Variants in PMFBP1 observed in about 807,000 individuals in gnomAD.
PMFBP1 encodes polyamine modulated factor 1 binding protein 1.
PMFBP1 carries 131 observed loss-of-function variants against 137.8 expected under a neutral mutation model. The ratio of observed to expected loss-of-function variants is 0.95; its 90% CI spans 0.82 to 1.10. PMFBP1 has a LOEUF of 1.10. Among genes scored for constraint, PMFBP1 ranks in the 50% least tolerant of loss-of-function variants. The pLI, the probability that PMFBP1 is intolerant of heterozygous loss-of-function variation, is 0.00. For synonymous variants in PMFBP1, 490 were observed against 450.4 expected (o/e 1.09, Z -1.11); for missense variants, 1,199 against 1,175.4 (o/e 1.02, Z -0.29).
At chr16:72,128,632 TC>T in intron 14 of PMFBP1, 24 bp downstream of exon 14, 1 of 1,614,002 alleles carries the variant, frequency 6.2e-7, no homozygotes, top group East Asian at 2.2e-5. Flanking sequence ...AATTCCTCAC[TC>T]CCTTGGGGTT....
chr16:72,154,719 G>A (rs1300837323), intron 3 of PMFBP1, among the ~76,000 whole-genome samples: 1 of 152,062 alleles, frequency 6.6e-6, no homozygotes, highest in Non-Finnish European at 1.5e-5. Context: ...TAGGTCAGAA[G>A]AAAAAATATA....
chr16:72,190,226 A>G, the PMFBP1 span, among the ~76,000 whole-genome samples: 58 of 152,288 alleles, frequency 3.8e-4, no homozygotes, highest in Middle Eastern at 6.8e-3. Flanking sequence ...TCAGTCTCTG[A>G]GCAAGGAGGG....
At position 72,164,915 on chromosome 16, in the gene PMFBP1, G is replaced by A. The variant is rs201822645; in HGVS notation, c.14C>T (p.Ala5Val). The A allele has an allele frequency of 4.0e-5, 63 of 1,576,534 alleles. No homozygotes were observed. Among genetic ancestry groups the A allele is most frequent in the Admixed American group, 7.0e-5 (4 of 57,246 alleles). The change falls in exon 3 of 21, where the codon GCG becomes GTG. Residue 5 changes from alanine (A) to valine (V), a missense_variant and splice_region_variant. By Grantham distance (64) the Ala-to-Val change is moderately conservative. Transcript: ENST00000237353. The part of the protein sequence containing the change: MKDE[A>V]GERDREVSSL... ...GCTCACTTCTCTGTCTCTCTCCCCC[G>A]CCTAGGCAGCCAGAAAAACAAAAGC... is the stretch of plus-strand genomic sequence containing the variant.
the PMFBP1 span, among the ~76,000 whole-genome samples, chr16:72,237,212 G>A: frequency 2.0e-5 from 3 of 152,174 alleles, no homozygotes; most frequent in Non-Finnish European, 4.4e-5. Context: ...GACATGGGAA[G>A]AGACCCCTAG....
At chr16:72,239,430 G>A in the PMFBP1 span, among the ~76,000 whole-genome samples, 1 of 152,280 alleles carries the variant, frequency 6.6e-6, no homozygotes, top group South Asian at 2.1e-4. Flanking sequence ...TCTCTGCGAT[G>A]CTAAATAAAA....
At position 72,128,735 on chromosome 16, in the gene PMFBP1, C is replaced by A. The variant is rs761250170; in HGVS notation, c.2010G>T (p.Gln670His). ...EENENLRAEL[Q>H]CCSTQLESSL... ...AGGATTCCAGTTGTGTAGAACAACA[C>A]TGTAGCTCTGCTCGGAGATTCTCAT... The change falls in exon 14 of 21, where the codon CAG becomes CAT. Residue 670 changes from glutamine (Q) to histidine (H), a missense_variant. Transcript: ENST00000237353. 1.3e-5 allele frequency: 21 copies of A among 1,614,040 alleles called. No individual in the cohort carries two copies. Among genetic ancestry groups the A allele is most frequent in the Non-Finnish European group, 1.7e-5 (20 of 1,180,028 alleles).
At chr16:72,189,274 C>A in the PMFBP1 span, among the ~76,000 whole-genome samples, 3 of 152,238 alleles carry the variant, frequency 2.0e-5, no homozygotes, top group Admixed American at 6.5e-5. Context: ...AGGATTTGAA[C>A]TCACACCATC....
the PMFBP1 span, among the ~76,000 whole-genome samples, chr16:72,191,644 G>C: frequency 3.9e-5 from 6 of 152,164 alleles, no homozygotes; most frequent in Non-Finnish European, 7.3e-5. Context: ...CTGAGCCTTA[G>C]GTAATTCCTT....
At chr16:72,188,594 G>A in the PMFBP1 span, among the ~76,000 whole-genome samples, 1 of 152,232 alleles carries the variant, frequency 6.6e-6, no homozygotes, top group Non-Finnish European at 1.5e-5. Flanking sequence ...AAACAGGTAT[G>A]AAGGATGGAA....
chr16:72,132,285 T>C (rs1247476172), intron 10 of PMFBP1, among the ~76,000 whole-genome samples: 1 of 152,142 alleles, frequency 6.6e-6, no homozygotes, highest in African/African-American at 2.4e-5. Context: ...ATTGGTGACC[T>C]CTGAGAAAGC....
At chr16:72,168,534 A>G (rs936685894) in intron 2 of PMFBP1, among the ~76,000 whole-genome samples, 4 of 152,228 alleles carry the variant, frequency 2.6e-5, no homozygotes, top group Non-Finnish European at 5.9e-5. Flanking sequence ...CATTTCATCA[A>G]TCATAGCTCT....
upstream of PMFBP1, among the ~76,000 whole-genome samples, chr16:72,175,074 T>G (rs775195512): frequency 5.9e-5 from 9 of 152,226 alleles, no homozygotes; most frequent in Non-Finnish European, 1.2e-4. Context: ...AGACTTGTCC[T>G]ATCAGCATTC....
chr16:72,193,625 T>C, the PMFBP1 span, among the ~76,000 whole-genome samples: 1 of 151,746 alleles, frequency 6.6e-6, no homozygotes, highest in Non-Finnish European at 1.5e-5. Context: ...CCATTATCCA[T>C]CTGTGGATGG....
chr16:72,220,835 C>T, the PMFBP1 span, among the ~76,000 whole-genome samples: 5 of 152,144 alleles, frequency 3.3e-5, no homozygotes, highest in Admixed American at 6.5e-5. Flanking sequence ...ACACATCCCT[C>T]GAGTTGTTTC....
chr16:72,144,793 C>T (rs1238722042), intron 5 of PMFBP1, among the ~76,000 whole-genome samples: 1 of 152,130 alleles, frequency 6.6e-6, no homozygotes, highest in Non-Finnish European at 1.5e-5. Flanking sequence ...TCTGGCATTA[C>T]ATAATGGTAA....
At chr16:72,167,574 A>T (rs1328824776) in intron 2 of PMFBP1, among the ~76,000 whole-genome samples, 1 of 152,170 alleles carries the variant, frequency 6.6e-6, no homozygotes, top group Non-Finnish European at 1.5e-5. Flanking sequence ...CTCGATGAAG[A>T]GTGGTAGTTT....
chr16:72,171,944 G>A (rs965885410), intron 1 of PMFBP1, 110 bp downstream of exon 1: 1 of 152,204 alleles, frequency 6.6e-6, no homozygotes, highest in Admixed American at 6.5e-5. Flanking sequence ...GTATGTGCAT[G>A]TAAGTACAGG....
chr16:72,122,813 TG>T, intron 19 of PMFBP1, 100 bp downstream of exon 19: 4 of 1,117,584 alleles, frequency 3.6e-6, no homozygotes, highest in Non-Finnish European at 5.2e-6. Context: ...AGGCCTTTCC[TG>T]GGCTGATCCC....
chr16:72,225,287 C>A, the PMFBP1 span: 2 of 152,284 alleles, frequency 1.3e-5, no homozygotes, highest in Admixed American at 6.5e-5. Context: ...ACAGAAGGCA[C>A]ATCCATGCTG....
Sources: allele counts gnomAD v4.1 joint callset (sites outside exome capture counted in the v4.1 genomes callset), GRCh38; gene constraint gnomAD v4.1.1; transcripts MANE v1.5; gene names NCBI Gene and HGNC (gene_info 2026-07-23, HGNC 2026-07-21).